Variants in PIGB observed in about 807,000 individuals in gnomAD.
PIGB encodes GPI alpha-1,2-mannosyltransferase 3.
A neutral mutation model predicts 68.4 loss-of-function variants in PIGB; 58 were observed. The observed-to-expected ratio is 0.85, with a 90% confidence interval of 0.69 to 1.06. The LOEUF is 1.06. PIGB is among the 50% of genes least tolerant of loss of function. The pLI is 0.00. For missense variants in PIGB, 634 were observed against 655.8 expected (o/e 0.97, Z 0.36); for synonymous variants, 219 against 220.5 (o/e 0.99, Z 0.06).
intron 4 of PIGB, among the ~76,000 whole-genome samples, chr15:55,329,149 A>C (rs1233721233): frequency 1.3e-5 from 2 of 151,458 alleles, no homozygotes; most frequent in Admixed American, 1.3e-4. Flanking sequence ...CTCTGTGTGC[A>C]TGTTCTTCCA....
chr15:55,319,283 G>A lies in PIGB; in HGVS notation c.33G>A (p.Glu11=). The A allele has an allele frequency of 6.2e-7, 1 of 1,607,110 alleles. No individual in the cohort carries two copies. The highest frequency in any genetic ancestry group is 8.5e-7 in the Non-Finnish European group (1 of 1,177,296). The change falls in exon 1 of 12, where the codon GAG becomes GAA. Residue 11 remains glutamate (E), a synonymous_variant. Transcript: ENST00000164305. MRRPLSKCGM[E]PGGGDASLTL... ...GGCCCCTAAGCAAGTGCGGAATGGA[G>A]CCGGGGGGCGGAGATGCCAGCCTCA...
chr15:55,330,070 T>C (rs35928893), intron 5 of PIGB, among the ~76,000 whole-genome samples: 6,558 of 152,192 alleles, frequency 0.043, 221 homozygotes, highest in Middle Eastern at 0.054. Context: ...GTTTAGACAA[T>C]ATTTAGAAAA....
intron 10 of PIGB, among the ~76,000 whole-genome samples, chr15:55,352,283 T>C (rs2055943413): frequency 6.6e-6 from 1 of 152,150 alleles, no homozygotes; most frequent in Non-Finnish European, 1.5e-5. Flanking sequence ...GGACATCAGT[T>C]GTCTCACCTG....
rs2055901835 is a variant in PIGB, at chr15:55,350,693, A to T, written c.1124-6A>T. On this transcript the variant is annotated splice_polypyrimidine_tract_variant and splice_region_variant and intron_variant, in intron 9 of 11. Transcript: ENST00000164305. ...GTTAAGGTTCAATATGTCTATCTTC[A>T]TATAGGATACTCATTAACCCACCTG... 6.3e-7 allele frequency: 1 copy of T among 1,581,426 alleles called. No individual in the cohort carries two copies. The highest frequency in any genetic ancestry group is 8.7e-7 in the Non-Finnish European group (1 of 1,151,480).
chr15:55,353,515 A>AT (rs138916755), intron 10 of PIGB, among the ~76,000 whole-genome samples: 27,693 of 152,172 alleles, frequency 0.18, 4,394 homozygotes, highest in African/African-American at 0.43. Context: ...TCCTAAGGCA[A>AT]TTATAAACAT....
Position 55,339,251 on chromosome 15 carries a change from T to C in PIGB, c.795-16T>C, listed in dbSNP as rs1251354721. The stretch of plus-strand genomic sequence containing the variant: ...AAGCTCCAAATGTGAATCACTATGC[T>C]ATTTTTGTTTTTCAGCTTTGTTACT... On this transcript the variant is annotated splice_polypyrimidine_tract_variant and intron_variant, in intron 6 of 11. Transcript: ENST00000164305. The C allele has an allele frequency of 1.9e-6, 3 of 1,542,908 alleles. No individual in the cohort carries two copies. Among genetic ancestry groups the C allele is most frequent in the Non-Finnish European group, 2.6e-6 (3 of 1,139,860 alleles).
At chr15:55,321,717 A>C (rs180995162) in intron 3 of PIGB, among the ~76,000 whole-genome samples, 5,887 of 123,000 alleles carry the variant, frequency 0.048, 190 homozygotes, top group Middle Eastern at 0.098. Flanking sequence ...CAATGGCGTG[A>C]TCTTGGCTCA....
chr15:55,352,696 G>A (rs958985529), intron 10 of PIGB, among the ~76,000 whole-genome samples: 1 of 152,158 alleles, frequency 6.6e-6, no homozygotes, highest in Non-Finnish European at 1.5e-5. Context: ...GGCGGAGGTT[G>A]CAGTGAGCTG....
At chr15:55,354,579 T>A (rs1281979471) in intron 10 of PIGB, 1 of 474,968 alleles carries the variant, frequency 2.1e-6, no homozygotes, top group Admixed American at 4.2e-5. Flanking sequence ...TAGTTTGGGC[T>A]TATAGGTTAT....
At chr15:55,345,151 A>G (rs780131843) in intron 9 of PIGB, among the ~76,000 whole-genome samples, 4 of 151,908 alleles carry the variant, frequency 2.6e-5, no homozygotes, top group Admixed American at 2.6e-4. Flanking sequence ...TTGGCCTCCC[A>G]AAGTGCTGGG....
intron 6 of PIGB, among the ~76,000 whole-genome samples, chr15:55,338,563 TGAGCCCAG>T (rs1266712316): frequency 6.6e-6 from 1 of 152,060 alleles, no homozygotes; most frequent in East Asian, 1.9e-4. Flanking sequence ...GAGGATCACT[TGAGCCCAG>T]GAGGTCAAGG....
At chr15:55,351,951 C>CTTT (rs551615501) in intron 10 of PIGB, 12 of 127,054 alleles carry the variant, frequency 9.4e-5, no homozygotes, top group South Asian at 2.6e-4. Context: ...AACTAGACTT[C>CTTT]TTTTTTTTTT....
chr15:55,347,983 C>CTTTTTTT (rs576991463), intron 9 of PIGB, among the ~76,000 whole-genome samples: 36 of 94,000 alleles, frequency 3.8e-4, no homozygotes, highest in Non-Finnish European at 6.0e-4. Context: ...GCCATAGTTT[C>CTTTTTTT]TTTTTTTTTT....
At chr15:55,341,913 A>T in intron 9 of PIGB, 111 bp downstream of exon 9, 1 of 407,060 alleles carries the variant, frequency 2.5e-6, no homozygotes, top group Non-Finnish European at 4.4e-6. Flanking sequence ...GAATTACTTA[A>T]TTACAGATTA....
chr15:55,320,495 T>G (rs2055138935), intron 2 of PIGB, 85 bp downstream of exon 2: 1 of 1,274,242 alleles, frequency 7.8e-7, no homozygotes. Flanking sequence ...TAGTCCCCCT[T>G]GCTCCCTCGT....
intron 1 of PIGB, chr15:55,319,892 T>A (rs899411672): frequency 1.7e-5 from 3 of 181,762 alleles, no homozygotes; most frequent in African/African-American, 7.1e-5. Flanking sequence ...GAGGACCATT[T>A]TATATTGCAC....
intron 6 of PIGB, among the ~76,000 whole-genome samples, chr15:55,336,830 A>C (rs1184743192): frequency 1.3e-5 from 2 of 152,336 alleles, no homozygotes; most frequent in Admixed American, 1.3e-4. Flanking sequence ...TCTGCTAAAA[A>C]TACAAAAAAA....
chr15:55,323,956 T>C (rs2055221019), intron 3 of PIGB, among the ~76,000 whole-genome samples: 1 of 152,218 alleles, frequency 6.6e-6, no homozygotes, highest in South Asian at 2.1e-4. Context: ...GGCACCATCT[T>C]GGCTGGCTGT....
intron 10 of PIGB, chr15:55,351,748 T>A (rs1351643061): frequency 1.3e-5 from 2 of 150,648 alleles, no homozygotes; most frequent in Admixed American, 6.6e-5. Context: ...GGCAGGTGCC[T>A]GTAGTTCCAG....
Sources: gnomAD v4.1 joint callset for allele counts (sites outside exome capture counted in the v4.1 genomes callset) on GRCh38, gnomAD v4.1.1 for gene constraint, MANE v1.5 for transcripts, NCBI Gene and HGNC (gene_info 2026-07-23, HGNC 2026-07-21) for gene names.